ADRA1A: variants seen among roughly 807,000 people sequenced by gnomAD.
ADRA1A encodes alpha-1A adrenergic receptor.
ADRA1A carries 31 observed loss-of-function variants against 29.6 expected under a neutral mutation model. That is an observed-to-expected ratio of 1.05 (90% CI 0.79 to 1.41). The LOEUF is 1.41. ADRA1A is among the 40% of genes most tolerant of loss of function. ADRA1A has a pLI of 0.00. For synonymous variants in ADRA1A, 311 were observed against 254.3 expected, an observed-to-expected ratio of 1.22 and a Z score of -2.12; for missense variants, 619 against 601.1, an observed-to-expected ratio of 1.03 and a Z score of -0.31.
chr8:26,853,464 G>A (rs1812779031), intron 2 of ADRA1A, among the ~76,000 whole-genome samples: 1 of 152,150 alleles, frequency 6.6e-6, no homozygotes, highest in South Asian at 2.1e-4. Flanking sequence ...TTAACCTAGA[G>A]AATATTAAAA....
intron 2 of ADRA1A, among the ~76,000 whole-genome samples, chr8:26,838,646 G>C (rs1350845423): frequency 3.9e-5 from 6 of 152,134 alleles, no homozygotes; most frequent in Non-Finnish European, 7.4e-5. Flanking sequence ...CTGGAGAGAA[G>C]GAAGCTTCCC....
intron 2 of ADRA1A, among the ~76,000 whole-genome samples, chr8:26,816,528 G>C (rs1245352918): frequency 1.7e-5 from 2 of 120,602 alleles, no homozygotes; most frequent in Admixed American, 8.5e-5. Flanking sequence ...AGGTGCTCAT[G>C]GTGTATGTGT....
In ADRA1A at chr8:26,786,746, G is replaced by A. The variant is rs58721600; in HGVS notation, c.884-16080C>T. The stretch of plus-strand genomic sequence containing the variant: ...ATACCTCAGACTCCATGCTGGGTTG[G>A]GGGGGGGGGTCTCTCATTAAATGTT... On this transcript the variant is annotated intron_variant, in intron 2 of 2. Transcript: ENST00000380573. Among the ~76,000 whole-genome samples the A allele has an allele frequency of 9.7e-5, 5 of 51,486 alleles. No individual in the cohort carries two copies. The African/African-American group carries it at 1.2e-3, about 12-fold the overall frequency. The allele number at this position is 51,486 out of a possible 152,430, so 33.8% of individuals were successfully genotyped here.
chr8:26,862,263 A>G (rs925808886), intron 2 of ADRA1A, among the ~76,000 whole-genome samples: 2 of 152,186 alleles, frequency 1.3e-5, no homozygotes, highest in African/African-American at 2.4e-5. Context: ...CAGATCTTGC[A>G]AGCTTTGCTC....
chr8:26,853,785 T>G (rs1211131849), intron 2 of ADRA1A: 1 of 152,190 alleles, frequency 6.6e-6, no homozygotes, highest in Admixed American at 6.5e-5. Context: ...GGAAGGTCTC[T>G]CTGAGCATCC....
rs893538993 is a variant in ADRA1A at position 26,770,515 on chromosome 8, A to T, written c.1035T>A (p.Cys345Ter). 2.5e-6 allele frequency: 4 copies of T among 1,614,076 alleles called. No homozygotes were observed. The highest frequency in any genetic ancestry group is 3.4e-6 in the Non-Finnish European group (4 of 1,180,040). ...GTTTGGAAGACTGCTTTCTGCAGAG[A>T]CACTGGATTCTCAAGACATTCTGAA... ...KAFQNVLRIQCLCRKQSSKHA... is the reference protein window; with the variant it reads ...KAFQNVLRIQ The change falls in exon 3 of 3, where the codon TGT (cysteine) becomes TGA (stop). Residue 345 changes from cysteine to a stop codon, truncating the protein, a stop_gained. Coordinates refer to ENST00000380573, the MANE Select transcript of ADRA1A (RefSeq NM_000680.4). LOFTEE classifies it high-confidence loss of function.
intron 2 of ADRA1A, among the ~76,000 whole-genome samples, chr8:26,760,360 G>T (rs543891526): frequency 6.6e-6 from 1 of 152,208 alleles, no homozygotes; most frequent in Non-Finnish European, 1.5e-5. Flanking sequence ...GGCTTTAAGA[G>T]TGGGAGGTGG....
intron 2 of ADRA1A, among the ~76,000 whole-genome samples, chr8:26,781,122 T>C (rs181730130): frequency 6.6e-4 from 100 of 152,356 alleles, no homozygotes; most frequent in African/African-American, 2.1e-3. Flanking sequence ...GCCAAAAAGA[T>C]TGGGGAACAC....
rs1810982126 is a variant in ADRA1A, at chr8:26,831,611, C to T, written c.883+32476G>A. Among the ~76,000 whole-genome samples the T allele has an allele frequency of 6.6e-6, 1 of 152,218 alleles. No homozygotes were observed. The highest frequency in any genetic ancestry group is 2.1e-4 in the South Asian group (1 of 4,832). ...GTCCAAATATCCTAAATAGATTTTC[C>T]TAAATTTGAGAATAGTCACTTCAAT... On this transcript the variant is annotated intron_variant, in intron 2 of 2. Coordinates refer to ENST00000380573, the MANE Select transcript of ADRA1A (RefSeq NM_000680.4). The surrounding 1 kb of genome is among the most constrained non-coding windows in gnomAD (Gnocchi z 5.2).
intron 2 of ADRA1A, among the ~76,000 whole-genome samples, chr8:26,858,086 C>T (rs1813178066): frequency 6.6e-6 from 1 of 152,192 alleles, no homozygotes; most frequent in African/African-American, 2.4e-5. Context: ...AACATCCAAT[C>T]TTAAAACACA....
chr8:26,866,991 C>A lies in ADRA1A; in HGVS notation c.-742G>T. The A allele has an allele frequency of 1.0e-6, 1 of 985,058 alleles. No homozygotes were observed. 61.0% of individuals were successfully genotyped at this position (985,058 alleles called of 1,614,324 possible). On this transcript the variant is annotated 5_prime_UTR_variant, in exon 1 of 3. Transcript: ENST00000380573. This position sits in a 1 kb window ranked among gnomAD's most constrained non-coding sequence, Gnocchi z 5.7. ...CGCGCGGGGGATGTGGACCCGGCTTCGGTCCCGGGAGCTGCCTGCCTGCTC... is the reference window on the plus strand; with the variant it reads ...CGCGCGGGGGATGTGGACCCGGCTTAGGTCCCGGGAGCTGCCTGCCTGCTC...
At chr8:26,820,033 G>A (rs1268692868) in intron 2 of ADRA1A, among the ~76,000 whole-genome samples, 1 of 152,034 alleles carries the variant, frequency 6.6e-6, no homozygotes, top group Non-Finnish European at 1.5e-5. Context: ...ATGATAAAGG[G>A]GTCAATTAAC....
rs1811000757 is a variant in ADRA1A, at chr8:26,831,904, C to T, written c.883+32183G>A. 6.6e-6 allele frequency among the ~76,000 whole-genome samples: 1 copy of T among 152,218 alleles called. No individual in the cohort carries two copies. Among genetic ancestry groups the T allele is most frequent in the Non-Finnish European group, 1.5e-5 (1 of 68,046 alleles). On this transcript the variant is annotated intron_variant, in intron 2 of 2. Coordinates refer to ENST00000380573, the MANE Select transcript of ADRA1A (RefSeq NM_000680.4). This position sits in a 1 kb window ranked among gnomAD's most constrained non-coding sequence, Gnocchi z 5.2. ...GGAGTCCTGTGCTCCAGGCTGGCTC[C>T]CACCTCTCCCTAAGAGACACCTGGG... is the stretch of plus-strand genomic sequence containing the variant.
chr8:26,780,776 G>A (rs1395967614), intron 2 of ADRA1A, among the ~76,000 whole-genome samples: 2 of 152,192 alleles, frequency 1.3e-5, no homozygotes, highest in Non-Finnish European at 2.9e-5. Context: ...TGTCAGATCA[G>A]CAGTGGCATT....
At position 26,822,124 on chromosome 8, in the gene ADRA1A, G is replaced by T. The variant is rs7002296; in HGVS notation, c.883+41963C>A. 2.0e-3 allele frequency among the ~76,000 whole-genome samples: 308 copies of T among 152,286 alleles called. 1 individual carries two copies. Among genetic ancestry groups the T allele is most frequent in the African/African-American group, 7.1e-3 (296 of 41,550 alleles). On this transcript the variant is annotated intron_variant, in intron 2 of 2. Coordinates refer to ENST00000380573, the MANE Select transcript of ADRA1A (RefSeq NM_000680.4). ...TATGTGGCCAGAAGAACAACTACTG[G>T]GTTGAATGGTAATTGCATGTTCATA...
At chr8:26,753,481 G>T (rs1336801616), downstream of ADRA1A, among the ~76,000 whole-genome samples, 1 of 151,914 alleles carries the variant, frequency 6.6e-6, no homozygotes, top group Non-Finnish European at 1.5e-5. Flanking sequence ...ATAAAAATGA[G>T]ATTCTTGAAG....
At chr8:26,802,101 G>T (rs911478396) in intron 2 of ADRA1A, among the ~76,000 whole-genome samples, 9 of 152,090 alleles carry the variant, frequency 5.9e-5, no homozygotes, top group Non-Finnish European at 1.0e-4. Flanking sequence ...AATGAAAGTT[G>T]ATTAAAGACT....
At position 26,864,074 on chromosome 8, in the gene ADRA1A, G is replaced by A. The variant is rs1356093357; in HGVS notation, c.883+13C>T. ...ACCCCCAGATGCTAAAGTGAGGGGT[G>A]TTCAAGACTTACCAATGGGCATGAC... On this transcript the variant is annotated intron_variant, in intron 2 of 2. Transcript: ENST00000380573. This position sits in a 1 kb window ranked among gnomAD's most constrained non-coding sequence, Gnocchi z 8.1. 6.2e-6 allele frequency: 10 copies of A among 1,607,476 alleles called. No homozygotes were observed. The highest frequency in any genetic ancestry group is 8.5e-6 in the Non-Finnish European group (10 of 1,176,828).
At chr8:26,858,042 C>G (rs2130776578) in intron 2 of ADRA1A, among the ~76,000 whole-genome samples, 1 of 152,302 alleles carries the variant, frequency 6.6e-6, no homozygotes, top group East Asian at 1.9e-4. Context: ...ATTGCCTCCA[C>G]CTGATAAATC....
Sources: allele counts gnomAD v4.1 joint callset (sites outside exome capture counted in the v4.1 genomes callset), GRCh38; gene constraint gnomAD v4.1.1; non-coding constraint Gnocchi (gnomAD v3.1); transcripts MANE v1.5; gene names NCBI Gene and HGNC (gene_info 2026-07-23, HGNC 2026-07-21).